STARD13: variants seen among roughly 807,000 people sequenced by gnomAD.
The protein encoded by STARD13 is stAR-related lipid transfer protein 13.
Under a neutral mutation model 106.4 loss-of-function variants are expected in STARD13, and 62 were observed. That is an observed-to-expected ratio of 0.58 (90% CI 0.48 to 0.72). The LOEUF is 0.72. Among genes scored for constraint, STARD13 ranks in the 30% least tolerant of loss-of-function variants. The probability of loss-of-function intolerance (pLI) is 0.00; values close to 1 mark genes in which losing one functional copy is unlikely to be tolerated. For missense variants in STARD13, 1,387 were observed against 1,424.0 expected (o/e 0.97, Z 0.42); for synonymous variants, 565 against 553.0 (o/e 1.02, Z -0.31).
the STARD13 span, among the ~76,000 whole-genome samples, chr13:33,614,270 C>CGTGTGTGTGTGTGTGTGT: frequency 0.035 from 5,084 of 145,150 alleles, 125 homozygotes; most frequent in African/African-American, 0.038. Context: ...ATACATTCTC[C>CGTGTGTGTGTGTGTGTGT]GTGTGTGTGT....
At chr13:33,192,114 T>C (rs73459232) in intron 1 of STARD13, among the ~76,000 whole-genome samples, 1 of 152,356 alleles carries the variant, frequency 6.6e-6, no homozygotes, top group Admixed American at 6.5e-5. Context: ...CACAGTGGCA[T>C]GGTAAAACTT....
At chr13:33,202,727 G>A (rs1040053579) in intron 1 of STARD13, among the ~76,000 whole-genome samples, 1 of 152,206 alleles carries the variant, frequency 6.6e-6, no homozygotes, top group African/African-American at 2.4e-5. Flanking sequence ...ATGTTGGCAA[G>A]TGGTAGAGAA....
the STARD13 span, among the ~76,000 whole-genome samples, chr13:33,542,004 G>C: frequency 6.6e-6 from 1 of 151,972 alleles, no homozygotes; most frequent in African/African-American, 2.4e-5. Flanking sequence ...AAAGACCAAG[G>C]CCACACCAGA....
chr13:33,220,614 C>T (rs1158645860), intron 1 of STARD13, among the ~76,000 whole-genome samples: 1 of 152,112 alleles, frequency 6.6e-6, no homozygotes, highest in African/African-American at 2.4e-5. Flanking sequence ...ATTGTTTGAA[C>T]CTGGGAGGCG....
At chr13:33,147,985 C>T (rs998490782) in intron 3 of STARD13, among the ~76,000 whole-genome samples, 7 of 152,176 alleles carry the variant, frequency 4.6e-5, no homozygotes, top group Non-Finnish European at 5.9e-5. Context: ...AGTCTTTCCA[C>T]AAATGCTGTT....
Position 33,247,830 on chromosome 13 carries a change from T to C in STARD13, c.169+37640A>G, listed in dbSNP as rs112388331. On this transcript the variant is annotated intron_variant, in intron 1 of 13. Coordinates refer to ENST00000336934, the MANE Select transcript of STARD13 (RefSeq NM_178006.4). ...GAGATGCTTACAAAATAGTGGGTGCTGAGACCCCAATTCAAACCACTCTCA... is the reference window on the plus strand; with the variant it reads ...GAGATGCTTACAAAATAGTGGGTGCCGAGACCCCAATTCAAACCACTCTCA... Among the ~76,000 whole-genome samples, 950 of 152,244 alleles carry C rather than the reference T, an allele frequency of 6.2e-3. 11 individuals carry two copies. Among genetic ancestry groups the C allele is most frequent in the African/African-American group, 0.022 (899 of 41,520 alleles).
the STARD13 span, among the ~76,000 whole-genome samples, chr13:33,483,003 C>G: frequency 6.6e-6 from 1 of 152,142 alleles, no homozygotes; most frequent in East Asian, 1.9e-4. Context: ...CACCCTGGAC[C>G]ACCCTCCTGA....
chr13:33,396,684 G>A, the STARD13 span, among the ~76,000 whole-genome samples: 465 of 152,232 alleles, frequency 3.1e-3, 6 homozygotes, highest in African/African-American at 0.01. Context: ...AACAAAAGGG[G>A]ATATCTGATT....
the STARD13 span, among the ~76,000 whole-genome samples, chr13:33,447,302 G>A: frequency 2.6e-5 from 4 of 152,120 alleles, no homozygotes; most frequent in Admixed American, 1.3e-4. Context: ...GTTCTTCCAC[G>A]AGCTTGTGTG....
the STARD13 span, among the ~76,000 whole-genome samples, chr13:33,387,622 T>TA: frequency 6.6e-6 from 1 of 152,250 alleles, no homozygotes; most frequent in South Asian, 2.1e-4. Flanking sequence ...GTGAACGAGA[T>TA]ATAAGGTTTA....
At chr13:33,512,628 T>C in the STARD13 span, among the ~76,000 whole-genome samples, 2 of 152,160 alleles carry the variant, frequency 1.3e-5, no homozygotes, top group East Asian at 3.9e-4. Context: ...CCATCACGCC[T>C]GGCTAATTTT....
chr13:33,653,342 G>A, the STARD13 span, among the ~76,000 whole-genome samples: 10 of 152,100 alleles, frequency 6.6e-5, no homozygotes, highest in African/African-American at 2.4e-4. Flanking sequence ...ATAGACTAAT[G>A]GAATAGGACT....
the STARD13 span, among the ~76,000 whole-genome samples, chr13:33,675,914 G>A: frequency 6.6e-6 from 1 of 152,120 alleles, no homozygotes; most frequent in African/African-American, 2.4e-5. Flanking sequence ...ACCTCTGGAG[G>A]CAGATCAGAC....
At chr13:33,396,556 C>T in the STARD13 span, among the ~76,000 whole-genome samples, 3 of 152,068 alleles carry the variant, frequency 2.0e-5, no homozygotes, top group Non-Finnish European at 4.4e-5. Context: ...ATTTTTGCTT[C>T]AGTATAACTG....
the STARD13 span, among the ~76,000 whole-genome samples, chr13:33,506,482 G>C: frequency 2.0e-5 from 3 of 152,178 alleles, no homozygotes; most frequent in African/African-American, 7.2e-5. Flanking sequence ...ACCACTGTGA[G>C]CTTGACAGCT....
rs1190974843 is a variant in STARD13 at position 33,285,493 on chromosome 13, T to C, written c.146A>G (p.Gln49Arg). 6.2e-7 allele frequency: 1 copy of C among 1,613,756 alleles called. No individual in the cohort carries two copies. The highest frequency in any genetic ancestry group is 8.5e-7 in the Non-Finnish European group (1 of 1,179,854). Residue 49 changes from glutamine to arginine, a missense_variant, in exon 1 of 14, where the codon CAG (glutamine) becomes CGG (arginine). Physicochemically the swap from Gln to Arg is conservative, Grantham distance 43. Coordinates refer to ENST00000336934, the MANE Select transcript of STARD13 (RefSeq NM_178006.4). ...ACCTTGTTGAATTTTAGTCACTAGCTGATGGCGTGCTAGAATCCGGCTCAT... is the reference window on the plus strand; with the variant it reads ...ACCTTGTTGAATTTTAGTCACTAGCCGATGGCGTGCTAGAATCCGGCTCAT... ...YRMSRILARH[Q>R]LVTKIQQEIE...
At chr13:33,337,364 T>TA (rs931269039) in intron 1 of STARD13, among the ~76,000 whole-genome samples, 24 of 151,952 alleles carry the variant, frequency 1.6e-4, no homozygotes, top group African/African-American at 5.1e-4. Context: ...TTAAGACATT[T>TA]AAAAAAAAGA....
the STARD13 span, among the ~76,000 whole-genome samples, chr13:33,380,477 C>T: frequency 1.6e-4 from 20 of 124,956 alleles, no homozygotes; most frequent in African/African-American, 5.1e-4. Flanking sequence ...CCCCACCCCC[C>T]ACCCCCCCCA....
intron 1 of STARD13, among the ~76,000 whole-genome samples, chr13:33,275,042 A>T (rs115860725): frequency 2.5e-4 from 38 of 152,272 alleles, no homozygotes; most frequent in African/African-American, 9.1e-4. Flanking sequence ...CTACAAGGTA[A>T]AGTTCAACGG....
Sources: allele counts gnomAD v4.1 joint callset (sites outside exome capture counted in the v4.1 genomes callset), GRCh38; gene constraint gnomAD v4.1.1; transcripts MANE v1.5; gene names NCBI Gene and HGNC (gene_info 2026-07-23, HGNC 2026-07-21).